The following COL19A1 variants were observed in gnomAD, a reference collection of about 807,000 sequenced individuals.
COL19A1 encodes collagen type XIX alpha 1 chain.
A neutral mutation model predicts 190.2 loss-of-function variants in COL19A1; 159 were observed. That is an observed-to-expected ratio of 0.84 (90% CI 0.73 to 0.95). The LOEUF (loss-of-function observed/expected upper bound fraction) is 0.95, where lower values mean the gene tolerates loss of function less well. Ranked by LOEUF, COL19A1 falls within the 40% of genes least tolerant of loss-of-function variation. The probability of loss-of-function intolerance (pLI) is 0.00; values close to 1 mark genes in which losing one functional copy is unlikely to be tolerated. For synonymous variants in COL19A1, 509 were observed against 458.9 expected (o/e 1.11, Z -1.39); for missense variants, 1,418 against 1,431.9 (o/e 0.99, Z 0.16).
intron 34 of COL19A1, among the ~76,000 whole-genome samples, chr6:70,159,080 A>T (rs1787616063): frequency 6.6e-6 from 1 of 151,998 alleles, no homozygotes. Context: ...TCCCAAGCTT[A>T]TAAATTAGAC....
rs636192 is a variant in COL19A1, at chr6:70,187,783, C to A, written c.2857-292C>A. Among the ~76,000 whole-genome samples, 507 of 152,086 alleles carry A rather than the reference C, an allele frequency of 3.3e-3. 1 individual carries two copies. Among genetic ancestry groups the A allele is most frequent in the Non-Finnish European group, 5.2e-3 (355 of 67,990 alleles). On this transcript the variant is annotated intron_variant, in intron 46 of 50. Coordinates refer to ENST00000620364, the MANE Select transcript of COL19A1 (RefSeq NM_001858.6). ...ACTGCCATCATCCTAGATGGGCAAC[C>A]AAGCACACCTAACATTCTCTCTATC...
intron 14 of COL19A1, among the ~76,000 whole-genome samples, chr6:70,049,288 A>C (rs1780069274): frequency 6.6e-6 from 1 of 152,030 alleles, no homozygotes; most frequent in African/African-American, 2.4e-5. Context: ...GGCAGTTGAA[A>C]TATTTTAAAA....
At chr6:70,044,440 C>T (rs1004394537) in intron 14 of COL19A1, among the ~76,000 whole-genome samples, 7 of 152,156 alleles carry the variant, frequency 4.6e-5, no homozygotes, top group Non-Finnish European at 1.0e-4. Flanking sequence ...GCTGGAGGGA[C>T]CTAGCTTTTG....
intron 14 of COL19A1, among the ~76,000 whole-genome samples, chr6:70,056,694 A>C (rs1780521535): frequency 6.6e-6 from 1 of 152,282 alleles, no homozygotes; most frequent in East Asian, 1.9e-4. Flanking sequence ...CCTCCTAAGA[A>C]AATGGATGCT....
chr6:70,094,979 A>G (rs1210989336), intron 15 of COL19A1, among the ~76,000 whole-genome samples: 1 of 152,196 alleles, frequency 6.6e-6, no homozygotes, highest in Non-Finnish European at 1.5e-5. Flanking sequence ...ATGCTTTTTT[A>G]TAAAATGGAC....
At chr6:69,922,940 G>A (rs6938495) in intron 4 of COL19A1, among the ~76,000 whole-genome samples, 2 of 151,994 alleles carry the variant, frequency 1.3e-5, no homozygotes, top group South Asian at 2.1e-4. Context: ...TAAATGCTGT[G>A]CTTGCTTTCA....
At chr6:69,953,213 T>C (rs979885212) in intron 9 of COL19A1, among the ~76,000 whole-genome samples, 1 of 152,058 alleles carries the variant, frequency 6.6e-6, no homozygotes, top group African/African-American at 2.4e-5. Flanking sequence ...AACAAGAATG[T>C]TTTCCACTTT....
chr6:69,994,480 G>C (rs1214325040), intron 11 of COL19A1, among the ~76,000 whole-genome samples: 5 of 152,102 alleles, frequency 3.3e-5, no homozygotes, highest in Non-Finnish European at 7.4e-5. Flanking sequence ...TTCTAGATCT[G>C]TCATTCTCAC....
At chr6:70,043,243 G>A (rs1341171214) in intron 14 of COL19A1, among the ~76,000 whole-genome samples, 1 of 150,414 alleles carries the variant, frequency 6.6e-6, no homozygotes, top group Non-Finnish European at 1.5e-5. Context: ...CCAGACTGGA[G>A]TGAAGTGGCG....
chr6:70,074,521 A>G (rs1394028489), intron 15 of COL19A1, among the ~76,000 whole-genome samples: 1 of 149,960 alleles, frequency 6.7e-6, no homozygotes. Flanking sequence ...AAAAAAAGAG[A>G]GAGAAAGAGT....
chr6:70,033,951 C>G (rs1218073028), intron 12 of COL19A1, among the ~76,000 whole-genome samples: 2 of 152,070 alleles, frequency 1.3e-5, no homozygotes, highest in African/African-American at 4.8e-5. Flanking sequence ...TACTTAAAAG[C>G]TCATATAGAT....
chr6:70,054,894 A>C (rs1780405527), intron 14 of COL19A1, among the ~76,000 whole-genome samples: 1 of 152,154 alleles, frequency 6.6e-6, no homozygotes, highest in Non-Finnish European at 1.5e-5. Flanking sequence ...TTTAAACTGG[A>C]GGTATAAATA....
chr6:69,992,660 G>C (rs1165352455), intron 11 of COL19A1, among the ~76,000 whole-genome samples: 1 of 151,954 alleles, frequency 6.6e-6, no homozygotes, highest in Non-Finnish European at 1.5e-5. Flanking sequence ...TCATTGTAGA[G>C]ATCTTTCACT....
At chr6:70,182,679 T>G (rs1327663968) in intron 44 of COL19A1, among the ~76,000 whole-genome samples, 11 of 152,068 alleles carry the variant, frequency 7.2e-5, no homozygotes, top group African/African-American at 2.4e-4. Context: ...GAGAAAGCAG[T>G]AAGGAGTGAT....
intron 4 of COL19A1, among the ~76,000 whole-genome samples, chr6:69,906,274 C>T (rs1454941085): frequency 6.6e-6 from 1 of 152,148 alleles, no homozygotes; most frequent in African/African-American, 2.4e-5. Flanking sequence ...CTCAGCTTGA[C>T]TGGCCGATGA....
At chr6:70,202,356 T>A (rs1226971711) in intron 49 of COL19A1, among the ~76,000 whole-genome samples, 1 of 152,220 alleles carries the variant, frequency 6.6e-6, no homozygotes, top group African/African-American at 2.4e-5. Context: ...AGCTTGTGGA[T>A]GGTAACTTTT....
At chr6:69,909,858 G>A (rs575079937) in intron 4 of COL19A1, among the ~76,000 whole-genome samples, 6 of 152,136 alleles carry the variant, frequency 3.9e-5, no homozygotes, top group Non-Finnish European at 5.9e-5. Context: ...TCATATAATC[G>A]GAAAGGTATT....
chr6:69,942,738 GTA>G (rs967172056), intron 9 of COL19A1, among the ~76,000 whole-genome samples: 8 of 121,568 alleles, frequency 6.6e-5, no homozygotes, highest in African/African-American at 9.7e-5. Flanking sequence ...TCCATTGTGT[GTA>G]TGTGTGTGTG....
chr6:70,102,362 T>C (rs186607587), intron 16 of COL19A1, 140 bp downstream of exon 16: 2 of 673,248 alleles, frequency 3.0e-6, no homozygotes, highest in Admixed American at 4.8e-5. Context: ...AGCATTTGGA[T>C]GAGTAGTTCA....
Sources: allele counts gnomAD v4.1 joint callset (sites outside exome capture counted in the v4.1 genomes callset), GRCh38; gene constraint gnomAD v4.1.1; transcripts MANE v1.5; gene names NCBI Gene and HGNC (gene_info 2026-07-23, HGNC 2026-07-21).